KIF2C: variants seen among roughly 807,000 people sequenced by gnomAD.
KIF2C encodes the protein kinesin family member 2C.
Under a neutral mutation model 97.4 loss-of-function variants are expected in KIF2C, and 34 were observed. The observed-to-expected ratio is 0.35, with a 90% CI of 0.27 to 0.46. KIF2C has a LOEUF of 0.46. KIF2C is among the 20% of genes least tolerant of loss of function. The pLI, the probability that KIF2C is intolerant of heterozygous loss-of-function variation, is 1.00. For missense variants in KIF2C, 750 were observed against 907.6 expected, an observed-to-expected ratio of 0.83 and a Z score of 2.23; for synonymous variants, 313 against 318.2, an observed-to-expected ratio of 0.98 and a Z score of 0.17.
At chr1:44,767,075 G>A (rs1182654092) in intron 20 of KIF2C, 22 bp from the exon 21 acceptor site, 3 of 1,613,268 alleles carry the variant, frequency 1.9e-6, no homozygotes, top group Non-Finnish European at 1.7e-6. Flanking sequence ...AACCCCATAT[G>A]TACCGCTACC....
At chr1:44,751,507 C>CTTTTTT (rs58381189) in intron 5 of KIF2C, among the ~76,000 whole-genome samples, 2 of 125,666 alleles carry the variant, frequency 1.6e-5, no homozygotes, top group Non-Finnish European at 3.3e-5. Context: ...TCTTTTTGTA[C>CTTTTTT]TTTTTTTTTT....
At chr1:44,745,462 G>GTTTT (rs1557589253) in intron 2 of KIF2C, among the ~76,000 whole-genome samples, 7 of 42,740 alleles carry the variant, frequency 1.6e-4, no homozygotes, top group African/African-American at 7.0e-4. Flanking sequence ...GGTTGTATAT[G>GTTTT]TCTTTTTTTT....
chr1:44,758,106 T>C lies in KIF2C; in HGVS notation c.1190T>C (p.Val397Ala). 6.3e-7 allele frequency: 1 copy of C among 1,599,714 alleles called. No homozygotes were observed. Among genetic ancestry groups the C allele is most frequent in the Non-Finnish European group, 8.5e-7 (1 of 1,173,402 alleles). The change falls in exon 13 of 21, where the codon GTC (valine) becomes GCC (alanine). Residue 397 changes from valine to alanine, a missense_variant. Coordinates refer to ENST00000372224, the MANE Select transcript of KIF2C (RefSeq NM_006845.4). Reference sequence around the variant, plus strand: ...TGCTACCGGAAGTTGGGCCTGGAAGTCTATGTGACATTCTTCGAGATCTAC... The same window carrying C: ...TGCTACCGGAAGTTGGGCCTGGAAGCCTATGTGACATTCTTCGAGATCTAC... Reference protein sequence around the residue: ...QPCYRKLGLEVYVTFFEIYNG... With the variant: ...QPCYRKLGLEAYVTFFEIYNG...
intron 3 of KIF2C, 61 bp downstream of exon 3, chr1:44,747,546 CTT>C: frequency 1.3e-6 from 2 of 1,572,848 alleles, no homozygotes; most frequent in South Asian, 1.1e-5. Context: ...CTTATTGACT[CTT>C]TGCTGATTGA....
At chr1:44,743,837 T>C (rs1463442388) in intron 2 of KIF2C, among the ~76,000 whole-genome samples, 1 of 152,176 alleles carries the variant, frequency 6.6e-6, no homozygotes, top group Non-Finnish European at 1.5e-5. Flanking sequence ...GCATAGTACG[T>C]ATAGTAGAGA....
chr1:44,754,653 A>T (rs1649717921), intron 7 of KIF2C, 97 bp from the exon 8 acceptor site: 1 of 794,304 alleles, frequency 1.3e-6, no homozygotes, highest in Admixed American at 1.8e-5. Context: ...ACAACTATGA[A>T]GGGTGGTGAG....
At position 44,756,242 on chromosome 1, in the gene KIF2C, G is replaced by C; in HGVS notation, c.977+5G>C. 1 of 1,613,238 alleles carries C rather than the reference G, an allele frequency of 6.2e-7. No homozygotes were observed. The highest frequency in any genetic ancestry group is 8.5e-7 in the Non-Finnish European group (1 of 1,179,230). ...TTCGAATGAAGTTGTCTACAGGTTA[G>C]TCCCTTGCATCCATTTTTCCCTCCT... On this transcript the variant is annotated splice_donor_5th_base_variant and intron_variant, in intron 10 of 20. Transcript: ENST00000372224.
chr1:44,753,955 A>ATTATTT, intron 7 of KIF2C, 122 bp downstream of exon 7: 2 of 192,994 alleles, frequency 1.0e-5, no homozygotes, highest in Non-Finnish European at 1.8e-5. Context: ...TGAGGCCCCA[A>ATTATTT]TTCTTTTTTT....
chr1:44,762,724 C>T (rs771753729), intron 19 of KIF2C, 66 bp downstream of exon 19: 3 of 1,031,160 alleles, frequency 2.9e-6, no homozygotes, highest in Non-Finnish European at 4.6e-6. Context: ...CACACCATTC[C>T]CAGAACATGA....
At chr1:44,746,167 C>T (rs1047131979) in intron 2 of KIF2C, among the ~76,000 whole-genome samples, 7 of 152,220 alleles carry the variant, frequency 4.6e-5, no homozygotes, top group African/African-American at 1.4e-4. Flanking sequence ...CGTGAGCCAC[C>T]GCACCCAGTC....
intron 2 of KIF2C, chr1:44,746,909 G>GT (rs1046139034): frequency 5.6e-6 from 5 of 900,578 alleles, no homozygotes; most frequent in East Asian, 5.5e-5. Flanking sequence ...TTTGTTTTTT[G>GT]TTTTTTGAGA....
intron 2 of KIF2C, among the ~76,000 whole-genome samples, chr1:44,743,982 T>C (rs1649054761): frequency 6.6e-6 from 1 of 152,226 alleles, no homozygotes; most frequent in African/African-American, 2.4e-5. Flanking sequence ...GTTGCTTGTT[T>C]AGAAATATAT....
chr1:44,760,180 G>A lies in KIF2C; in HGVS notation c.1368-100G>A, dbSNP rs1288907366. 98 of 1,044,128 alleles carry A rather than the reference G, an allele frequency of 9.4e-5. No homozygotes were observed. The Middle Eastern group carries it at 1.2e-3, about 13-fold the overall frequency. The allele number at this position is 1,044,128 out of a possible 1,614,324, so 64.7% of individuals were successfully genotyped here. A position where few individuals can be genotyped will look rare whatever the true frequency, so the allele number is the denominator to read the frequency against. ...TGGGACAGGAAAACAGGACTTTTTC[G>A]CCTCCTAACCTGTGTCCCTCCCTTC... On this transcript the variant is annotated intron_variant, in intron 14 of 20. Transcript: ENST00000372224. The surrounding 1 kb of genome is among the most constrained non-coding windows in gnomAD (Gnocchi z 4.2).
At chr1:44,755,304 C>T (rs181524220) in intron 8 of KIF2C, among the ~76,000 whole-genome samples, 5 of 152,172 alleles carry the variant, frequency 3.3e-5, no homozygotes, top group Admixed American at 6.5e-5. Context: ...CTCGCTCTGT[C>T]GCCCAGGCTG....
intron 10 of KIF2C, among the ~76,000 whole-genome samples, chr1:44,756,544 C>CTTTT (rs67641740): frequency 5.2e-4 from 34 of 65,244 alleles, no homozygotes; most frequent in Non-Finnish European, 7.1e-4. Flanking sequence ...GCTCTATCTG[C>CTTTT]TTTTTTTTTT....
chr1:44,752,589 C>T (rs147992523), intron 5 of KIF2C, among the ~76,000 whole-genome samples: 1 of 152,286 alleles, frequency 6.6e-6, no homozygotes, highest in East Asian at 1.9e-4. Context: ...TTATACTTTA[C>T]ATATATCAAA....
At chr1:44,763,516 G>C (rs2148834915) in intron 19 of KIF2C, among the ~76,000 whole-genome samples, 1 of 152,256 alleles carries the variant, frequency 6.6e-6, no homozygotes, top group South Asian at 2.1e-4. Flanking sequence ...GGTAGTTAAG[G>C]CTGTGGACAG....
At position 44,757,892 on chromosome 1, in the gene KIF2C, C is replaced by T. The variant is rs376304798; in HGVS notation, c.1069-16C>T. ...AACAGCCCTTTTCCATGGTCTTCTA[C>T]CCCTTCCCTTTGCAGACTATGGGCG... On this transcript the variant is annotated splice_polypyrimidine_tract_variant and intron_variant, in intron 11 of 20. Transcript: ENST00000372224. 43 of 1,613,346 alleles carry T rather than the reference C, an allele frequency of 2.7e-5. No individual in the cohort carries two copies. In the Admixed American group the frequency reaches 3.0e-4, roughly 11 times the overall value.
chr1:44,755,921 G>GAT lies in KIF2C; in HGVS notation c.760-8_760-7insAT. Reference sequence around the variant, plus strand: ...TGCTGTTGGTTGCCTCCTCTCATCCGCTTGCAGATCGAAGAGCACAGAATA... The same window carrying GAT: ...TGCTGTTGGTTGCCTCCTCTCATCCGATCTTGCAGATCGAAGAGCACAGAATA... On this transcript the variant is annotated splice_region_variant and splice_polypyrimidine_tract_variant and intron_variant, in intron 8 of 20. Transcript: ENST00000372224. 6.2e-7 allele frequency: 1 copy of GAT among 1,613,524 alleles called. No homozygotes were observed. Among genetic ancestry groups the GAT allele is most frequent in the Non-Finnish European group, 8.5e-7 (1 of 1,179,896 alleles).
Sources: gnomAD v4.1 joint callset for allele counts (sites outside exome capture counted in the v4.1 genomes callset) on GRCh38, gnomAD v4.1.1 for gene constraint, Gnocchi (gnomAD v3.1) non-coding constraint, MANE v1.5 for transcripts, NCBI Gene and HGNC (gene_info 2026-07-23, HGNC 2026-07-21) for gene names.